The following ITGB5 variants were observed in gnomAD, a reference collection of about 807,000 sequenced individuals.
The protein encoded by ITGB5 is integrin subunit beta 5, also known as integrin beta-5.
ITGB5 carries 38 observed loss-of-function variants against 84.8 expected under a neutral mutation model. The ratio of observed to expected loss-of-function variants is 0.45; its 90% CI spans 0.35 to 0.59. The LOEUF is 0.59. Among genes scored for constraint, ITGB5 ranks in the 20% least tolerant of loss-of-function variants. The probability of loss-of-function intolerance (pLI) is 0.01; values close to 1 mark genes in which losing one functional copy is unlikely to be tolerated. For synonymous variants in ITGB5, 393 were observed against 414.4 expected, an observed-to-expected ratio of 0.95 and a Z score of 0.63; for missense variants, 905 against 1,034.5, an observed-to-expected ratio of 0.87 and a Z score of 1.72.
intron 14 of ITGB5, among the ~76,000 whole-genome samples, chr3:124,764,142 G>A (rs2063732976): frequency 6.6e-6 from 1 of 152,144 alleles, no homozygotes; most frequent in East Asian, 1.9e-4. Flanking sequence ...GACTCTTCCT[G>A]AGGCACGCCC....
chr3:124,846,936 A>G (rs573738657), intron 4 of ITGB5, among the ~76,000 whole-genome samples: 2 of 152,162 alleles, frequency 1.3e-5, no homozygotes, highest in African/African-American at 2.4e-5. Flanking sequence ...CTCCGTCTCA[A>G]AAAAAAATGC....
At chr3:124,783,227 G>A (rs1442752310) in intron 10 of ITGB5, among the ~76,000 whole-genome samples, 2 of 144,768 alleles carry the variant, frequency 1.4e-5, no homozygotes, top group South Asian at 4.3e-4. Context: ...GCAGGCGGAG[G>A]TTGCAATGGG....
rs865867629 is a variant in ITGB5, at chr3:124,848,702, G to C, written c.362-144C>G. 1.8e-4 allele frequency: 150 copies of C among 816,128 alleles called. 1 individual carries two copies. The Middle Eastern group carries it at 3.3e-3, about 18-fold the overall frequency. The allele number at this position is 816,128 out of a possible 1,614,324, so 50.6% of individuals were successfully genotyped here. A position where few individuals can be genotyped will look rare whatever the true frequency, so the allele number is the denominator to read the frequency against. ...ACAGAAGATTTTTCTTGGAAGTAAA[G>C]TGCCTGAAGGGAATACGGTGCTGAG... On this transcript the variant is annotated intron_variant, in intron 3 of 14. Transcript: ENST00000296181.
rs59446328 is a variant in ITGB5 at position 124,865,481 on chromosome 3, C to CTTT, written c.157-6038_157-6036dup. Among the ~76,000 whole-genome samples the CTTT allele has an allele frequency of 3.4e-3, 319 of 93,264 alleles. 24 individuals are homozygous for CTTT. Among genetic ancestry groups the CTTT allele is most frequent in the African/African-American group, 8.0e-3 (195 of 24,502 alleles). 61.2% of individuals were successfully genotyped at this position (93,264 alleles called of 152,430 possible). On this transcript the variant is annotated intron_variant, in intron 2 of 14. Transcript: ENST00000296181. The stretch of plus-strand genomic sequence containing the variant: ...TTGAAGTGTCCTTTGCGGCTTTTTT[C>CTTT]TTTTTTTTTTTTTTTTTTTTTGAGA...
intron 8 of ITGB5, among the ~76,000 whole-genome samples, chr3:124,810,022 G>A (rs557930222): frequency 1.5e-4 from 23 of 152,224 alleles, no homozygotes; most frequent in African/African-American, 4.8e-4. Context: ...AAGTGTATGC[G>A]TCACCAAAAA....
chr3:124,801,852 G>A (rs1254202691), intron 9 of ITGB5, among the ~76,000 whole-genome samples: 4 of 152,140 alleles, frequency 2.6e-5, no homozygotes, highest in Admixed American at 1.3e-4. Context: ...TCCCTCCCCA[G>A]CCCACTCCTC....
intron 8 of ITGB5, 48 bp downstream of exon 8, chr3:124,817,573 G>A: frequency 3.9e-6 from 4 of 1,035,028 alleles, no homozygotes; most frequent in Non-Finnish European, 5.8e-6. Flanking sequence ...GCCTCAGTGG[G>A]AGAGGGTGGA....
rs750227931 is a variant in ITGB5, at chr3:124,798,418, T to TTTG, written c.1264-1604_1264-1602dup. Among the ~76,000 whole-genome samples, 24 of 151,630 alleles carry TTTG rather than the reference T, an allele frequency of 1.6e-4. No homozygotes were observed. The South Asian group carries it at 1.9e-3, about 12-fold the overall frequency. On this transcript the variant is annotated intron_variant, in intron 9 of 14. Coordinates refer to ENST00000296181, the MANE Select transcript of ITGB5 (RefSeq NM_002213.5). Reference sequence around the variant, plus strand: ...TGGACAATCTTCAGGTAACAATGTTTTTGTTGTTGTTGTTGTTGTTTGAGA... The same window carrying TTTG: ...TGGACAATCTTCAGGTAACAATGTTTTTGTTGTTGTTGTTGTTGTTGTTTGAGA...
At chr3:124,783,909 G>A (rs963198786) in intron 10 of ITGB5, among the ~76,000 whole-genome samples, 6 of 152,110 alleles carry the variant, frequency 3.9e-5, no homozygotes, top group Admixed American at 1.3e-4. Flanking sequence ...CTCTGTCCGC[G>A]GCATATTGTT....
intron 8 of ITGB5, among the ~76,000 whole-genome samples, chr3:124,812,832 C>T (rs902907758): frequency 2.0e-5 from 3 of 152,224 alleles, no homozygotes; most frequent in African/African-American, 4.8e-5. Flanking sequence ...CCCTCCTCAG[C>T]CTGGCCAAAT....
chr3:124,886,834 C>T (rs1467969016), intron 1 of ITGB5, 97 bp downstream of exon 1: 23 of 759,098 alleles, frequency 3.0e-5, no homozygotes, highest in Non-Finnish European at 4.0e-5. Flanking sequence ...GCCCTCCGCC[C>T]TCAGGCACCG....
intron 13 of ITGB5, among the ~76,000 whole-genome samples, chr3:124,765,386 C>T (rs765722293): frequency 2.0e-5 from 3 of 152,150 alleles, no homozygotes; most frequent in Non-Finnish European, 4.4e-5. Context: ...ACCCAGTGCT[C>T]CGTTGTCCTT....
At chr3:124,870,730 GAAAA>G (rs1005362306) in intron 2 of ITGB5, among the ~76,000 whole-genome samples, 3 of 75,476 alleles carry the variant, frequency 4.0e-5, no homozygotes, top group African/African-American at 1.5e-4. Flanking sequence ...CATCTCAAAA[GAAAA>G]AAAAAAAAAA....
chr3:124,855,563 A>T (rs564947205), intron 3 of ITGB5, among the ~76,000 whole-genome samples: 2 of 152,358 alleles, frequency 1.3e-5, no homozygotes, highest in South Asian at 4.1e-4. Flanking sequence ...TTTGGGAAAC[A>T]TATTCACAAT....
chr3:124,786,067 T>C (rs1254052809), intron 10 of ITGB5, among the ~76,000 whole-genome samples: 1 of 152,020 alleles, frequency 6.6e-6, no homozygotes, highest in African/African-American at 2.4e-5. Context: ...CCAATGTAAA[T>C]AGTCGAAGCA....
intron 1 of ITGB5, among the ~76,000 whole-genome samples, chr3:124,886,627 G>A (rs994621769): frequency 1.3e-5 from 2 of 152,010 alleles, no homozygotes; most frequent in African/African-American, 2.4e-5. Context: ...GGCTGGCGGC[G>A]GTCCTCCCCG....
At chr3:124,803,704 G>C (rs1456486247) in intron 9 of ITGB5, among the ~76,000 whole-genome samples, 1 of 152,210 alleles carries the variant, frequency 6.6e-6, no homozygotes, top group Admixed American at 6.5e-5. Flanking sequence ...ATGGTGCAGG[G>C]GGGCTCAGTC....
intron 3 of ITGB5, among the ~76,000 whole-genome samples, chr3:124,851,969 T>G (rs1321069749): frequency 6.6e-6 from 1 of 152,170 alleles, no homozygotes; most frequent in Non-Finnish European, 1.5e-5. Context: ...CATTAATGCA[T>G]GTGAAGTGCA....
intron 5 of ITGB5, among the ~76,000 whole-genome samples, chr3:124,825,033 C>G (rs1269517212): frequency 6.6e-6 from 1 of 151,930 alleles, no homozygotes; most frequent in Admixed American, 6.6e-5. Flanking sequence ...CCCGTCTCTA[C>G]TAAAATACAA....
Sources: allele counts gnomAD v4.1 joint callset (sites outside exome capture counted in the v4.1 genomes callset), GRCh38; gene constraint gnomAD v4.1.1; transcripts MANE v1.5; gene names NCBI Gene and HGNC (gene_info 2026-07-23, HGNC 2026-07-21).